CCDC50: variants seen among roughly 807,000 people sequenced by gnomAD.
The protein encoded by CCDC50 is coiled-coil domain containing 50.
Under a neutral mutation model 70.2 loss-of-function variants are expected in CCDC50, and 54 were observed. The ratio of observed to expected loss-of-function variants is 0.77; its 90% CI spans 0.62 to 0.96. The LOEUF (loss-of-function observed/expected upper bound fraction) is 0.96, where lower values mean the gene tolerates loss of function less well. CCDC50 is among the 50% of genes least tolerant of loss of function. The pLI is 0.00. For missense variants in CCDC50, 558 were observed against 578.7 expected (o/e 0.96, Z 0.37); for synonymous variants, 216 against 198.8 (o/e 1.09, Z -0.73).
chr3:191,373,063 A>T (rs1448614399), intron 5 of CCDC50, among the ~76,000 whole-genome samples: 1 of 147,700 alleles, frequency 6.8e-6, no homozygotes, highest in African/African-American at 2.5e-5. Context: ...TAAAATGCAG[A>T]TATATATGTG....
chr3:191,360,512 G>C (rs1172370753), intron 3 of CCDC50, among the ~76,000 whole-genome samples: 1 of 152,174 alleles, frequency 6.6e-6, no homozygotes, highest in East Asian at 1.9e-4. Context: ...TGAAAACTAA[G>C]TCCGTGATTT....
rs112411491 is a variant in CCDC50, at chr3:191,377,786, T to G, written c.976+2197T>G. Among the ~76,000 whole-genome samples, 1,100 of 152,272 alleles carry G rather than the reference T, an allele frequency of 7.2e-3. 11 individuals are homozygous for G. Among genetic ancestry groups the G allele is most frequent in the African/African-American group, 0.024 (989 of 41,544 alleles). On this transcript the variant is annotated intron_variant, in intron 6 of 11. Coordinates refer to ENST00000392455, the MANE Select transcript of CCDC50 (RefSeq NM_178335.3). Reference sequence around the variant, plus strand: ...GAAGTTTTGTGTTCATTTAAGGATGTTCTTGTGTTCTCCATCTGAAGGATG... The same window carrying G: ...GAAGTTTTGTGTTCATTTAAGGATGGTCTTGTGTTCTCCATCTGAAGGATG...
intron 1 of CCDC50, among the ~76,000 whole-genome samples, chr3:191,342,688 A>C (rs1052562491): frequency 1.3e-5 from 2 of 152,218 alleles, no homozygotes; most frequent in Non-Finnish European, 2.9e-5. Flanking sequence ...AAACCATTTG[A>C]GGGCTTGTGT....
chr3:191,340,198 G>T (rs1711674053), intron 1 of CCDC50, among the ~76,000 whole-genome samples: 1 of 152,196 alleles, frequency 6.6e-6, no homozygotes, highest in African/African-American at 2.4e-5. Flanking sequence ...AAGGTGACTT[G>T]TCAAAGTTCA....
intron 10 of CCDC50, among the ~76,000 whole-genome samples, chr3:191,387,111 A>G (rs1713522656): frequency 6.6e-6 from 1 of 152,204 alleles, no homozygotes; most frequent in South Asian, 2.1e-4. Context: ...ATTGGGGTAC[A>G]CATCAGTCAA....
At chr3:191,378,731 G>GTTTTT (rs111282965) in intron 6 of CCDC50, among the ~76,000 whole-genome samples, 18 of 149,628 alleles carry the variant, frequency 1.2e-4, no homozygotes, top group East Asian at 4.0e-4. Flanking sequence ...CTATGCCACT[G>GTTTTT]TTTTTTTGTT....
intron 3 of CCDC50, among the ~76,000 whole-genome samples, chr3:191,359,015 T>C (rs775747788): frequency 6.6e-6 from 1 of 152,234 alleles, no homozygotes; most frequent in Non-Finnish European, 1.5e-5. Flanking sequence ...ATAAACACTT[T>C]TATTGATTCA....
At chr3:191,337,751 C>T (rs1711568032) in intron 1 of CCDC50, among the ~76,000 whole-genome samples, 1 of 152,000 alleles carries the variant, frequency 6.6e-6, no homozygotes, top group African/African-American at 2.4e-5. Context: ...CGTATGCCAG[C>T]TCTGAGTAAG....
At chr3:191,341,393 A>G (rs922586934) in intron 1 of CCDC50, among the ~76,000 whole-genome samples, 3 of 152,206 alleles carry the variant, frequency 2.0e-5, no homozygotes, top group African/African-American at 7.2e-5. Context: ...TGAGGTTCAA[A>G]GAAATTAAGT....
rs1476653049 is a variant in CCDC50, at chr3:191,393,855, T to C, written c.*2095T>C. On this transcript the variant is annotated 3_prime_UTR_variant, in exon 12 of 12. Coordinates refer to ENST00000392455, the MANE Select transcript of CCDC50 (RefSeq NM_178335.3). ...TTCGCTTCGTGTCCTTCAAAGTTTT[T>C]TTATTGTAATTTTAAAGGAAAAAAA... The C allele has an allele frequency of 1.3e-5, 2 of 152,196 alleles. No homozygotes were observed. Among genetic ancestry groups the C allele is most frequent in the African/African-American group, 4.8e-5 (2 of 41,468 alleles). 9.4% of individuals were successfully genotyped at this position (152,196 alleles called of 1,614,324 possible).
chr3:191,330,333 G>T, intron 1 of CCDC50: 1 of 143,394 alleles, frequency 7.0e-6, no homozygotes, highest in Non-Finnish European at 1.5e-5. Context: ...ACACACAATA[G>T]TGAGCGAGGG....
chr3:191,396,317 A>G lies in CCDC50; in HGVS notation c.*4557A>G, dbSNP rs2108682054. 1 of 152,288 alleles carries G rather than the reference A, an allele frequency of 6.6e-6. No individual in the cohort carries two copies. Among genetic ancestry groups the G allele is most frequent in the Non-Finnish European group, 1.5e-5 (1 of 68,018 alleles). The allele number at this position is 152,288 out of a possible 1,614,324, so 9.4% of individuals were successfully genotyped here. A position where few individuals can be genotyped will look rare whatever the true frequency, so the allele number is the denominator to read the frequency against. On this transcript the variant is annotated 3_prime_UTR_variant, in exon 12 of 12. Transcript: ENST00000392455. ...CATTGAGATATAACATTCACAGATG[A>G]TCCCCAAGTATCCTTGTCATCAGAA...
At chr3:191,390,342 T>G (rs566838120) in intron 11 of CCDC50, among the ~76,000 whole-genome samples, 5 of 112,722 alleles carry the variant, frequency 4.4e-5, no homozygotes, top group East Asian at 5.3e-4. Flanking sequence ...TAGGGATACC[T>G]CAATTGGACG....
chr3:191,329,739 G>A lies in CCDC50; in HGVS notation c.49+16G>A, dbSNP rs1363091586. ...GTCAAGGAAGGTAAGGGCCCCGGAG[G>A]GAGAGCGCGCGGGACCCTCCCCTCT... On this transcript the variant is annotated intron_variant, in intron 1 of 11. Transcript: ENST00000392455. 3 of 1,607,336 alleles carry A rather than the reference G, an allele frequency of 1.9e-6. No homozygotes were observed. The highest frequency in any genetic ancestry group is 1.1e-5 in the South Asian group (1 of 89,494).
At chr3:191,340,822 C>T (rs1711700497) in intron 1 of CCDC50, among the ~76,000 whole-genome samples, 1 of 152,068 alleles carries the variant, frequency 6.6e-6, no homozygotes, top group Non-Finnish European at 1.5e-5. Flanking sequence ...TGCCAGGAAA[C>T]ATTGCTTCAG....
At chr3:191,343,169 TG>T (rs1256345825) in intron 1 of CCDC50, among the ~76,000 whole-genome samples, 3 of 152,218 alleles carry the variant, frequency 2.0e-5, no homozygotes, top group African/African-American at 7.2e-5. Context: ...TTGGTATCTG[TG>T]GGGGTGCTGG....
chr3:191,329,535 C>A lies in CCDC50; in HGVS notation c.-140C>A. The A allele has an allele frequency of 1.3e-6, 1 of 753,988 alleles. No homozygotes were observed. The highest frequency in any genetic ancestry group is 2.0e-6 in the Non-Finnish European group (1 of 496,668). The allele number at this position is 753,988 out of a possible 1,614,324, so 46.7% of individuals were successfully genotyped here. Reference sequence around the variant, plus strand: ...GTCACCAGCCCCTGCCCGCCCGACCCGCTCCGTTCTCCGGCCTGCGAGCCC... The same window carrying A: ...GTCACCAGCCCCTGCCCGCCCGACCAGCTCCGTTCTCCGGCCTGCGAGCCC... On this transcript the variant is annotated 5_prime_UTR_variant, in exon 1 of 12. Transcript: ENST00000392455.
rs1343821394 is a variant in CCDC50, at chr3:191,397,093, A to G, written c.*5333A>G. The G allele has an allele frequency of 2.0e-5, 3 of 152,214 alleles. No homozygotes were observed. The highest frequency in any genetic ancestry group is 4.4e-5 in the Non-Finnish European group (3 of 68,030). 9.4% of individuals were successfully genotyped at this position (152,214 alleles called of 1,614,324 possible). On this transcript the variant is annotated 3_prime_UTR_variant, in exon 12 of 12. Coordinates refer to ENST00000392455, the MANE Select transcript of CCDC50 (RefSeq NM_178335.3). ...GCCCTGTTATTCATTGCTGAGGTTCATATAAAGAATAGAAAAATTGAAAGA... is the reference window on the plus strand; with the variant it reads ...GCCCTGTTATTCATTGCTGAGGTTCGTATAAAGAATAGAAAAATTGAAAGA...
At chr3:191,391,491 G>A (rs916896211) in intron 11 of CCDC50, among the ~76,000 whole-genome samples, 12 of 152,162 alleles carry the variant, frequency 7.9e-5, no homozygotes, top group African/African-American at 2.9e-4. Flanking sequence ...CCGATTTAAC[G>A]AAGTAGCTCA....
Sources: allele counts gnomAD v4.1 joint callset (sites outside exome capture counted in the v4.1 genomes callset), GRCh38; gene constraint gnomAD v4.1.1; transcripts MANE v1.5; gene names NCBI Gene and HGNC (gene_info 2026-07-23, HGNC 2026-07-21).